STAU1: variants seen among roughly 807,000 people sequenced by gnomAD.
STAU1 encodes double-stranded RNA-binding protein Staufen homolog 1.
In STAU1, 13 loss-of-function variants were observed where a neutral mutation model predicts 62.9. That is an observed-to-expected ratio of 0.21 (90% CI 0.13 to 0.33). The LOEUF (loss-of-function observed/expected upper bound fraction) is 0.33, where lower values mean the gene tolerates loss of function less well. STAU1 is among the 10% of genes least tolerant of loss of function. The pLI is 1.00. For synonymous variants in STAU1, 269 were observed against 265.1 expected (o/e 1.01, Z -0.14); for missense variants, 571 against 712.1 (o/e 0.80, Z 2.25).
At position 49,114,264 on chromosome 20, in the gene STAU1, G is replaced by T. The variant is rs1285851104; in HGVS notation, c.*614C>A. On this transcript the variant is annotated 3_prime_UTR_variant, in exon 14 of 14. Transcript: ENST00000371856. ...TTCTCAAATGAAAATTTTATATAGT[G>T]TCATATCAATCAAAAGAAAATAATG... The T allele has an allele frequency of 6.5e-6, 1 of 152,690 alleles. No homozygotes were observed. Among genetic ancestry groups the T allele is most frequent in the African/African-American group, 2.4e-5 (1 of 41,452 alleles). The allele number at this position is 152,690 out of a possible 1,614,324, so 9.5% of individuals were successfully genotyped here.
At chr20:49,157,202 C>T (rs1033922927) in intron 3 of STAU1, among the ~76,000 whole-genome samples, 3 of 152,098 alleles carry the variant, frequency 2.0e-5, no homozygotes, top group African/African-American at 4.8e-5. Context: ...AATTACTTCT[C>T]ATGAAAGATA....
chr20:49,129,246 T>C lies in STAU1; in HGVS notation c.610-4659A>G, dbSNP rs532315169. Among the ~76,000 whole-genome samples the C allele has an allele frequency of 1.1e-3, 158 of 149,118 alleles. 1 individual carries two copies. Among genetic ancestry groups the C allele is most frequent in the East Asian group, 6.8e-3 (34 of 5,016 alleles). On this transcript the variant is annotated intron_variant, in intron 6 of 13. Coordinates refer to ENST00000371856, the MANE Select transcript of STAU1 (RefSeq NM_017453.4). ...ATAAATTAAAACCACAACAAGATACTACTGACTACCTGCTAGAATGACTTT... is the reference window on the plus strand; with the variant it reads ...ATAAATTAAAACCACAACAAGATACCACTGACTACCTGCTAGAATGACTTT...
intron 6 of STAU1, among the ~76,000 whole-genome samples, chr20:49,128,776 A>C (rs1482012812): frequency 8.7e-5 from 13 of 149,548 alleles, no homozygotes; most frequent in South Asian, 8.3e-4. Context: ...CCAAATCCAA[A>C]AAAAAAAAAA....
intron 4 of STAU1, among the ~76,000 whole-genome samples, chr20:49,153,502 T>TC (rs2146255452): frequency 6.8e-6 from 1 of 148,052 alleles, no homozygotes; most frequent in South Asian, 2.1e-4. Flanking sequence ...GGTCCGGAGT[T>TC]CAAGACCACC....
chr20:49,203,888 T>C, the STAU1 span, among the ~76,000 whole-genome samples: 2 of 152,140 alleles, frequency 1.3e-5, no homozygotes, highest in East Asian at 1.9e-4. Context: ...GGTTTCATCA[T>C]GTTGGCCAGA....
chr20:49,154,063 T>C lies in STAU1; in HGVS notation c.214A>G (p.Thr72Ala). The C allele has an allele frequency of 6.3e-7, 1 of 1,596,486 alleles. No individual in the cohort carries two copies. The highest frequency in any genetic ancestry group is 8.5e-7 in the Non-Finnish European group (1 of 1,175,614). ...AGTGCATTTAGTTCTACAGTAGGGG[T>C]TATGCTTTCTGCAAGAAAGAATCGA... ...TSTSAAAESI[T>A]PTVELNALCM... The change falls in exon 4 of 14, where the codon ACC (threonine) becomes GCC (alanine). Residue 72 changes from threonine to alanine, a missense_variant. Coordinates refer to ENST00000371856, the MANE Select transcript of STAU1 (RefSeq NM_017453.4).
chr20:49,166,184 C>T lies in STAU1; in HGVS notation c.18G>A (p.Val6=). ...GAGCAGCAGATGGGTTCTGAACTTG[C>T]ACTTGAACTTGAGACATGGTCACTT... MSQVQ[V]QVQNPSAALS... The change falls in exon 3 of 14, where the codon GTG becomes GTA. Residue 6 remains valine, a synonymous_variant. Coordinates refer to ENST00000371856, the MANE Select transcript of STAU1 (RefSeq NM_017453.4). 1 of 1,614,136 alleles carries T rather than the reference C, an allele frequency of 6.2e-7. No homozygotes were observed.
chr20:49,209,557 A>G, the STAU1 span, among the ~76,000 whole-genome samples: 5 of 152,086 alleles, frequency 3.3e-5, no homozygotes, highest in Non-Finnish European at 7.4e-5. Flanking sequence ...CAGCCTGACC[A>G]ACACGGTGAA....
At position 49,117,115 on chromosome 20, in the gene STAU1, G is replaced by GT; in HGVS notation, c.1632+10dup. 2 of 1,613,894 alleles carry GT rather than the reference G, an allele frequency of 1.2e-6. No individual in the cohort carries two copies. The highest frequency in any genetic ancestry group is 1.7e-6 in the Non-Finnish European group (2 of 1,179,866). On this transcript the variant is annotated intron_variant, in intron 12 of 13. Transcript: ENST00000371856. The surrounding 1 kb of genome is among the most constrained non-coding windows in gnomAD (Gnocchi z 4.6). ...ACAACACCCCAATCCCTCACCCAAG[G>GT]TGTGACGTACCATATCATGGCAGGA...
intron 3 of STAU1, among the ~76,000 whole-genome samples, chr20:49,156,737 A>C (rs929030642): frequency 1.3e-5 from 2 of 152,148 alleles, no homozygotes; most frequent in African/African-American, 2.4e-5. Flanking sequence ...ATGTCACTTG[A>C]ACCTTGAACA....
At chr20:49,194,294 T>C in the STAU1 span, among the ~76,000 whole-genome samples, 3 of 151,816 alleles carry the variant, frequency 2.0e-5, no homozygotes, top group Non-Finnish European at 4.4e-5. Flanking sequence ...CTGGGCATGG[T>C]GGCGCACGCC....
chr20:49,132,324 G>T (rs1568846631), intron 6 of STAU1, among the ~76,000 whole-genome samples: 1 of 152,144 alleles, frequency 6.6e-6, no homozygotes, highest in African/African-American at 2.4e-5. Context: ...GGCTTGCATT[G>T]TCTGCCCACA....
intron 5 of STAU1, among the ~76,000 whole-genome samples, chr20:49,149,740 T>C (rs1568881005): frequency 6.6e-6 from 1 of 152,206 alleles, no homozygotes; most frequent in Non-Finnish European, 1.5e-5. Flanking sequence ...AAACAGATCA[T>C]CTGTTAGAAT....
chr20:49,147,547 G>A (rs1049842204), intron 5 of STAU1, among the ~76,000 whole-genome samples: 5 of 152,208 alleles, frequency 3.3e-5, no homozygotes, highest in Admixed American at 2.6e-4. Context: ...TTGTAAAATG[G>A]CACCCTCTTT....
At chr20:49,191,031 TTA>T, upstream of STAU1, among the ~76,000 whole-genome samples, 3 of 136,342 alleles carry the variant, frequency 2.2e-5, no homozygotes, top group African/African-American at 6.0e-5. Flanking sequence ...TTATTTTTAA[TTA>T]TTTTTTTTTT....
intron 6 of STAU1, among the ~76,000 whole-genome samples, chr20:49,133,465 G>A (rs539140086): frequency 6.6e-6 from 1 of 152,276 alleles, no homozygotes; most frequent in East Asian, 1.9e-4. Context: ...GTCAGCAGGG[G>A]AGAAAAGCAA....
chr20:49,180,312 T>C (rs917084867), intron 1 of STAU1, among the ~76,000 whole-genome samples: 1 of 130,414 alleles, frequency 7.7e-6, no homozygotes, highest in African/African-American at 3.0e-5. Context: ...CAACCTGGAC[T>C]ACAGTTCTTT....
At chr20:49,159,148 T>TA (rs71184267) in intron 3 of STAU1, 221,313 of 906,070 alleles carry the variant, frequency 0.24, 4,752 homozygotes, top group Non-Finnish European at 0.26. Flanking sequence ...GGGAAAAAGC[T>TA]AAAAAAAAAA....
intron 1 of STAU1, among the ~76,000 whole-genome samples, chr20:49,182,498 C>T (rs2093737084): frequency 6.6e-6 from 1 of 152,186 alleles, no homozygotes. Flanking sequence ...ATTTGGCCAA[C>T]ATTATTCAAG....
Sources: allele counts gnomAD v4.1 joint callset (sites outside exome capture counted in the v4.1 genomes callset), GRCh38; gene constraint gnomAD v4.1.1; non-coding constraint Gnocchi (gnomAD v3.1); transcripts MANE v1.5; gene names NCBI Gene and HGNC (gene_info 2026-07-23, HGNC 2026-07-21).